CASQ2: variants seen among roughly 807,000 people sequenced by gnomAD.
CASQ2 encodes the protein calsequestrin-2.
Under a neutral mutation model 46.5 loss-of-function variants are expected in CASQ2, and 49 were observed. The ratio of observed to expected loss-of-function variants is 1.05; its 90% confidence interval spans 0.84 to 1.34. The LOEUF is 1.34. Among genes scored for constraint, CASQ2 ranks in the 40% most tolerant of loss-of-function variants. The pLI is 0.00. For missense variants in CASQ2, 486 were observed against 481.3 expected (o/e 1.01, Z -0.09); for synonymous variants, 174 against 168.5 (o/e 1.03, Z -0.25).
At chr1:115,732,630 C>G (rs918057199) in intron 5 of CASQ2, among the ~76,000 whole-genome samples, 3 of 152,294 alleles carry the variant, frequency 2.0e-5, no homozygotes, top group Non-Finnish European at 1.5e-5. Flanking sequence ...TGGGCCCACA[C>G]GTTTCCCATC....
chr1:115,759,049 T>G (rs11578967), intron 1 of CASQ2, among the ~76,000 whole-genome samples: 50,657 of 152,046 alleles, frequency 0.33, 8,662 homozygotes, highest in East Asian at 0.54. Context: ...TTACATAGGT[T>G]GTCAGGGAGA....
intron 6 of CASQ2, among the ~76,000 whole-genome samples, chr1:115,726,169 TCCAATGA>T (rs1289986668): frequency 7.2e-5 from 11 of 152,138 alleles, no homozygotes; most frequent in African/African-American, 2.2e-4. Flanking sequence ...GTACTGCAGG[TCCAATGA>T]ACACACTCGT....
At position 115,755,382 on chromosome 1, in the gene CASQ2, A is replaced by G. The variant is rs150338006; in HGVS notation, c.235-10470T>C. On this transcript the variant is annotated intron_variant, in intron 1 of 10. Transcript: ENST00000261448. ...TGGGAAAAAGTTTCACATGATACTC[A>G]GTGCTTTCTGGAGCCAGAGAGATCA... Among the ~76,000 whole-genome samples the G allele has an allele frequency of 2.6e-5, 4 of 152,256 alleles. No individual in the cohort carries two copies. The East Asian group carries it at 5.8e-4, about 22-fold the overall frequency.
At chr1:115,702,834 CT>C (rs1570793355) in intron 10 of CASQ2, 86 bp downstream of exon 10, 1 of 1,050,844 alleles carries the variant, frequency 9.5e-7, no homozygotes, top group East Asian at 2.4e-5. Context: ...GGCTGGGCTA[CT>C]ATAGATGCTC....
At chr1:115,765,088 C>G (rs959289600) in intron 1 of CASQ2, among the ~76,000 whole-genome samples, 14 of 152,168 alleles carry the variant, frequency 9.2e-5, no homozygotes, top group African/African-American at 3.1e-4. Context: ...AACTCTGGCC[C>G]TTCCTCTTTC....
intron 1 of CASQ2, among the ~76,000 whole-genome samples, chr1:115,766,934 A>G (rs1649156304): frequency 6.7e-6 from 1 of 148,902 alleles, no homozygotes. Flanking sequence ...TGATAGAAAG[A>G]TATTTCTTTT....
Position 115,702,076 on chromosome 1 carries a change from C to T in CASQ2, c.1015-650G>A, listed in dbSNP as rs147881368. 9.1e-3 allele frequency among the ~76,000 whole-genome samples: 1,392 copies of T among 152,166 alleles called. 15 individuals carry two copies. Among genetic ancestry groups the T allele is most frequent in the Non-Finnish European group, 0.014 (965 of 68,010 alleles). On this transcript the variant is annotated intron_variant, in intron 10 of 10. Transcript: ENST00000261448. Reference sequence around the variant, plus strand: ...TAACTGGTGTTACAGGCACCCATGACCATGCCTGGCTAATTTTTGTATTTT... The same window carrying T: ...TAACTGGTGTTACAGGCACCCATGATCATGCCTGGCTAATTTTTGTATTTT...
intron 7 of CASQ2, among the ~76,000 whole-genome samples, chr1:115,721,645 AC>A (rs1471839769): frequency 1.3e-5 from 2 of 152,144 alleles, no homozygotes; most frequent in African/African-American, 4.8e-5. Context: ...ATCTCAGCTC[AC>A]TGCAGCCTCT....
At chr1:115,744,053 A>G (rs954294684) in intron 2 of CASQ2, among the ~76,000 whole-genome samples, 1 of 152,052 alleles carries the variant, frequency 6.6e-6, no homozygotes, top group African/African-American at 2.4e-5. Context: ...CTGAGGCACA[A>G]GAATCGCTTG....
At chr1:115,756,921 G>A (rs764564480) in intron 1 of CASQ2, among the ~76,000 whole-genome samples, 5 of 152,028 alleles carry the variant, frequency 3.3e-5, no homozygotes, top group African/African-American at 7.2e-5. Flanking sequence ...CACTCCAGCC[G>A]GGGAGCCTGG....
intron 1 of CASQ2, among the ~76,000 whole-genome samples, chr1:115,749,885 C>T (rs145908665): frequency 4.6e-5 from 7 of 152,332 alleles, no homozygotes; most frequent in South Asian, 2.1e-4. Context: ...GGCTGCAGAG[C>T]GCAGCTCCAT....
intron 4 of CASQ2, among the ~76,000 whole-genome samples, chr1:115,737,237 T>C (rs899239377): frequency 6.6e-6 from 1 of 152,158 alleles, no homozygotes; most frequent in African/African-American, 2.4e-5. Context: ...TTTTAAGCAC[T>C]GTAAATGGAG....
chr1:115,703,891 G>A (rs1654281339), intron 9 of CASQ2, among the ~76,000 whole-genome samples: 1 of 147,470 alleles, frequency 6.8e-6, no homozygotes, highest in Non-Finnish European at 1.5e-5. Flanking sequence ...CAGCCTGGGT[G>A]ACACAGTGAG....
At chr1:115,740,889 T>C in intron 2 of CASQ2, 61 bp from the exon 3 acceptor site, 1 of 1,191,962 alleles carries the variant, frequency 8.4e-7, no homozygotes, top group Non-Finnish European at 1.2e-6. Flanking sequence ...GTGATTGTAT[T>C]GGCTGAGGTC....
At chr1:115,762,003 G>A (rs772425319) in intron 1 of CASQ2, among the ~76,000 whole-genome samples, 4 of 152,222 alleles carry the variant, frequency 2.6e-5, no homozygotes, top group Non-Finnish European at 4.4e-5. Context: ...CATCCCAACA[G>A]CCTCTATTGG....
At chr1:115,714,302 G>A (rs1233944695) in intron 8 of CASQ2, among the ~76,000 whole-genome samples, 2 of 152,178 alleles carry the variant, frequency 1.3e-5, no homozygotes, top group Non-Finnish European at 2.9e-5. Context: ...GGTCAAGATA[G>A]CCTGCTTGAA....
At chr1:115,739,282 T>TGGG (rs201877488) in intron 3 of CASQ2, among the ~76,000 whole-genome samples, 1 of 147,052 alleles carries the variant, frequency 6.8e-6, no homozygotes, top group African/African-American at 2.4e-5. Context: ...TAAGTTTTTT[T>TGGG]ATTTTTGTAT....
In CASQ2 at chr1:115,705,210, G is replaced by A. The variant is rs773111521; in HGVS notation, c.921C>T (p.Asp307=). ...DNPDLSILWI[D]PDDFPLLVAY... is the part of the protein sequence containing the mutation. The stretch of plus-strand genomic sequence containing the variant: ...CACTCACCAGAGGAAAGTCGTCCGG[G>A]TCGATCCACAGGATGCTCAGATCGG... The change falls in exon 9 of 11, where the codon GAC becomes GAT. Residue 307 remains aspartate, a synonymous_variant. Coordinates refer to ENST00000261448, the MANE Select transcript of CASQ2 (RefSeq NM_001232.4). The A allele has an allele frequency of 6.2e-7, 1 of 1,612,928 alleles. No homozygotes were observed. Among genetic ancestry groups the A allele is most frequent in the Non-Finnish European group, 8.5e-7 (1 of 1,178,850 alleles).
intron 1 of CASQ2, among the ~76,000 whole-genome samples, chr1:115,750,944 C>T (rs571359327): frequency 2.3e-5 from 1 of 44,104 alleles, no homozygotes; most frequent in South Asian, 8.3e-4. Context: ...AAGTAGATCT[C>T]ATCTTCGAAT....
Sources: gnomAD v4.1 joint callset for allele counts (sites outside exome capture counted in the v4.1 genomes callset) on GRCh38, gnomAD v4.1.1 for gene constraint, MANE v1.5 for transcripts, NCBI Gene and HGNC (gene_info 2026-07-23, HGNC 2026-07-21) for gene names.